The following MCC variants were observed in gnomAD, a reference collection of about 807,000 sequenced individuals.
The protein encoded by MCC is colorectal mutant cancer protein.
A neutral mutation model predicts 116.2 loss-of-function variants in MCC; 90 were observed. The ratio of observed to expected loss-of-function variants is 0.77; its 90% CI spans 0.65 to 0.92. The LOEUF (loss-of-function observed/expected upper bound fraction) is 0.92, where lower values mean the gene tolerates loss of function less well. MCC is among the 40% of genes least tolerant of loss of function. The pLI, the probability that MCC is intolerant of heterozygous loss-of-function variation, is 0.00. For synonymous variants in MCC, 578 were observed against 510.5 expected (o/e 1.13, Z -1.78); for missense variants, 1,516 against 1,312.2 (o/e 1.16, Z -2.40).
At chr5:113,033,771 T>C (rs559137393) in intron 17 of MCC, among the ~76,000 whole-genome samples, 1 of 152,352 alleles carries the variant, frequency 6.6e-6, no homozygotes, top group African/African-American at 2.4e-5. Flanking sequence ...TTGTAATGAC[T>C]GTGACAACTG....
intron 3 of MCC, among the ~76,000 whole-genome samples, chr5:113,185,381 G>C (rs1366306275): frequency 1.3e-5 from 2 of 152,112 alleles, no homozygotes; most frequent in African/African-American, 4.8e-5. Flanking sequence ...GTTCTGACCA[G>C]CAAAGAAGGC....
At chr5:113,389,658 T>C (rs192959694) in intron 1 of MCC, among the ~76,000 whole-genome samples, 38 of 152,230 alleles carry the variant, frequency 2.5e-4, no homozygotes, top group African/African-American at 8.7e-4. Flanking sequence ...ATCTTCCCAA[T>C]ATGACCATGA....
rs61130931 is a variant in MCC at position 113,316,255 on chromosome 5, C to CA, written c.627+24263dup. On this transcript the variant is annotated intron_variant, in intron 3 of 18. Transcript: ENST00000408903. ...TGGGCGACAGAGAGAGACTCTGTCT[C>CA]AAAAAAAAAAAAAAAAGAAAGAGAT... Among the ~76,000 whole-genome samples the CA allele has an allele frequency of 5.8e-3, 648 of 110,964 alleles. 5 individuals are homozygous for CA. Among genetic ancestry groups the CA allele is most frequent in the Non-Finnish European group, 9.7e-3 (470 of 48,566 alleles). The allele number at this position is 110,964 out of a possible 152,430, so 72.8% of individuals were successfully genotyped here.
intron 1 of MCC, among the ~76,000 whole-genome samples, chr5:113,391,766 T>C (rs894617237): frequency 1.3e-5 from 2 of 151,484 alleles, no homozygotes; most frequent in African/African-American, 2.4e-5. Context: ...AGTATTAGCA[T>C]ATTTTTCCGT....
chr5:113,043,778 G>C, intron 16 of MCC, 148 bp from the exon 17 acceptor site: 1 of 607,548 alleles, frequency 1.6e-6, no homozygotes, highest in Non-Finnish European at 2.9e-6. Context: ...AAAGGGGAAA[G>C]CCTGGCAGCA....
At chr5:113,282,372 C>G (rs1314375154) in intron 3 of MCC, among the ~76,000 whole-genome samples, 2 of 152,176 alleles carry the variant, frequency 1.3e-5, no homozygotes, top group South Asian at 4.1e-4. Flanking sequence ...CAGCATCAGA[C>G]ACTTTCTTCA....
chr5:113,425,279 A>C (rs529807604), intron 1 of MCC, among the ~76,000 whole-genome samples: 1 of 152,320 alleles, frequency 6.6e-6, no homozygotes, highest in South Asian at 2.1e-4. Flanking sequence ...TTCTAATCTC[A>C]AATTCTATGC....
intron 4 of MCC, among the ~76,000 whole-genome samples, chr5:113,151,068 C>G (rs907838848): frequency 6.6e-6 from 1 of 152,098 alleles, no homozygotes; most frequent in African/African-American, 2.4e-5. Context: ...GGTAGCCATT[C>G]GGAAGGAATC....
intron 1 of MCC, among the ~76,000 whole-genome samples, chr5:113,464,474 A>C (rs1013508012): frequency 1.3e-5 from 2 of 152,154 alleles, no homozygotes; most frequent in Admixed American, 1.3e-4. Flanking sequence ...CTTTGCCCCC[A>C]AAATTATTCT....
intron 17 of MCC, among the ~76,000 whole-genome samples, chr5:113,035,621 AAC>A (rs1352683284): frequency 6.6e-6 from 1 of 152,080 alleles, no homozygotes; most frequent in Non-Finnish European, 1.5e-5. Flanking sequence ...GTAGGTCCTC[AAC>A]ACAGCCCTGC....
At chr5:113,066,489 A>T (rs1289281405) in intron 13 of MCC, among the ~76,000 whole-genome samples, 1 of 152,050 alleles carries the variant, frequency 6.6e-6, no homozygotes, top group Non-Finnish European at 1.5e-5. Flanking sequence ...AATACTATTT[A>T]AAAAAAACCA....
intron 14 of MCC, among the ~76,000 whole-genome samples, chr5:113,054,492 A>G (rs1354611517): frequency 6.6e-6 from 1 of 152,272 alleles, no homozygotes; most frequent in Non-Finnish European, 1.5e-5. Context: ...GGCATGATCC[A>G]CAGATGCGTG....
intron 3 of MCC, among the ~76,000 whole-genome samples, chr5:113,266,794 CA>C (rs1199953587): frequency 6.8e-6 from 1 of 147,054 alleles, no homozygotes; most frequent in Non-Finnish European, 1.5e-5. Context: ...TCCATATGGA[CA>C]AAAAAACAAA....
At chr5:113,295,563 T>TGAAAGATGTCGATAGGCTCCCCAACCC (rs1232997052) in intron 3 of MCC, among the ~76,000 whole-genome samples, 28 of 152,060 alleles carry the variant, frequency 1.8e-4, no homozygotes, top group Non-Finnish European at 2.1e-4. Context: ...CCCCAGACCT[T>TGAAAGATGTCGATAGGCTCCCCAACCC]CCTTAATTGA....
intron 3 of MCC, among the ~76,000 whole-genome samples, chr5:113,214,638 C>G (rs1199155883): frequency 6.6e-6 from 1 of 152,188 alleles, no homozygotes. Context: ...CTCTACACCA[C>G]TCCAACTTTA....
intron 3 of MCC, among the ~76,000 whole-genome samples, chr5:113,296,421 C>T (rs193053675): frequency 3.9e-5 from 6 of 152,084 alleles, no homozygotes; most frequent in African/African-American, 1.2e-4. Context: ...ACGATTTTGG[C>T]TGGACAGGGT....
At chr5:113,438,920 AAT>A (rs1770947822) in intron 1 of MCC, among the ~76,000 whole-genome samples, 1 of 152,170 alleles carries the variant, frequency 6.6e-6, no homozygotes, top group African/African-American at 2.4e-5. Context: ...AGAGAAAAAA[AAT>A]CAGAGGGCTG....
At chr5:113,214,993 C>A (rs1422689183) in intron 3 of MCC, among the ~76,000 whole-genome samples, 1 of 152,110 alleles carries the variant, frequency 6.6e-6, no homozygotes, top group Non-Finnish European at 1.5e-5. Context: ...GGGCTTTGCA[C>A]ACAAACCATT....
At chr5:113,450,282 G>T (rs1161627086) in intron 1 of MCC, among the ~76,000 whole-genome samples, 2 of 152,150 alleles carry the variant, frequency 1.3e-5, no homozygotes, top group African/African-American at 2.4e-5. Context: ...CCTAGAGAAT[G>T]GACTTGAGGA....
Sources: gnomAD v4.1 joint callset for allele counts (sites outside exome capture counted in the v4.1 genomes callset) on GRCh38, gnomAD v4.1.1 for gene constraint, MANE v1.5 for transcripts, NCBI Gene and HGNC (gene_info 2026-07-23, HGNC 2026-07-21) for gene names.